GATAD1: variants seen among roughly 807,000 people sequenced by gnomAD.
The protein encoded by GATAD1 is GATA zinc finger domain containing 1, also known as GATA zinc finger domain-containing protein 1.
A neutral mutation model predicts 26.5 loss-of-function variants in GATAD1; 12 were observed. The ratio of observed to expected loss-of-function variants is 0.45; its 90% CI spans 0.29 to 0.73. The LOEUF is 0.73. GATAD1 is among the 30% of genes least tolerant of loss of function. The pLI, the probability that GATAD1 is intolerant of heterozygous loss-of-function variation, is 0.10. For synonymous variants in GATAD1, 129 were observed against 133.1 expected, an observed-to-expected ratio of 0.97 and a Z score of 0.21; for missense variants, 266 against 342.1, an observed-to-expected ratio of 0.78 and a Z score of 1.75.
In GATAD1 at chr7:92,458,030, G is replaced by T. The variant is rs1308559570; in HGVS notation, c.*1468G>T. 6.6e-6 allele frequency: 1 copy of T among 152,278 alleles called. No individual in the cohort carries two copies. The highest frequency in any genetic ancestry group is 1.5e-5 in the Non-Finnish European group (1 of 68,184). 9.4% of individuals were successfully genotyped at this position (152,278 alleles called of 1,614,324 possible). ...TGCATGCCTGTAATCCCAGCTACTC[G>T]GGAGGCTGAGGCAGGAGAATTGCTT... On this transcript the variant is annotated 3_prime_UTR_variant, in exon 5 of 5. Transcript: ENST00000287957.
the GATAD1 span, among the ~76,000 whole-genome samples, chr7:92,490,632 CAAAAAAAAAAA>C: frequency 2.5e-5 from 2 of 79,656 alleles, no homozygotes; most frequent in Non-Finnish European, 4.9e-5. Flanking sequence ...GAGACTGTCT[CAAAAAAAAAAA>C]AAAAAAAAAG....
At chr7:92,477,927 G>A in the GATAD1 span, 3 of 152,670 alleles carry the variant, frequency 2.0e-5, no homozygotes, top group Non-Finnish European at 4.4e-5. Flanking sequence ...CAAAGGGAAG[G>A]GACCCAAAGG....
downstream of GATAD1, among the ~76,000 whole-genome samples, chr7:92,461,669 A>G (rs1046107204): frequency 1.3e-5 from 2 of 152,208 alleles, no homozygotes; most frequent in East Asian, 1.9e-4. Context: ...AAGTTTATAT[A>G]CTAAATTGAA....
downstream of GATAD1, among the ~76,000 whole-genome samples, chr7:92,464,760 G>T (rs577553071): frequency 6.6e-6 from 1 of 152,144 alleles, no homozygotes; most frequent in African/African-American, 2.4e-5. Flanking sequence ...CAAAGGCATC[G>T]TTTTTCAGAG....
At chr7:92,483,384 G>A in the GATAD1 span, among the ~76,000 whole-genome samples, 1 of 152,188 alleles carries the variant, frequency 6.6e-6, no homozygotes. Context: ...ACTCAAATAC[G>A]TTGCTACTTG....
downstream of GATAD1, among the ~76,000 whole-genome samples, chr7:92,460,093 T>C (rs529065230): frequency 7.9e-5 from 12 of 152,308 alleles, no homozygotes; most frequent in Admixed American, 2.6e-4. Context: ...CCATTCCAGT[T>C]CCTGGCTGTG....
At chr7:92,464,720 A>C (rs1790037866), downstream of GATAD1, among the ~76,000 whole-genome samples, 1 of 152,224 alleles carries the variant, frequency 6.6e-6, no homozygotes, top group South Asian at 2.1e-4. Context: ...GGGACAGGCC[A>C]TAAAAGGACA....
At chr7:92,487,886 C>A in the GATAD1 span, among the ~76,000 whole-genome samples, 3 of 152,120 alleles carry the variant, frequency 2.0e-5, no homozygotes, top group African/African-American at 7.2e-5. Flanking sequence ...AATACTGCAA[C>A]ACACAATGTT....
At chr7:92,495,761 G>C in the GATAD1 span, among the ~76,000 whole-genome samples, 4 of 151,868 alleles carry the variant, frequency 2.6e-5, no homozygotes, top group Admixed American at 6.6e-5. Flanking sequence ...TCTTGGCTTT[G>C]TGAGCTTCTC....
At chr7:92,479,083 T>G in the GATAD1 span, among the ~76,000 whole-genome samples, 1 of 152,200 alleles carries the variant, frequency 6.6e-6, no homozygotes, top group African/African-American at 2.4e-5. Context: ...GGTTTCCTTC[T>G]CTCGGCTTGG....
At chr7:92,487,324 C>G in the GATAD1 span, 28 of 584,154 alleles carry the variant, frequency 4.8e-5, no homozygotes, top group Non-Finnish European at 6.1e-5. Context: ...TAGCATTTAC[C>G]AATCTGTGAT....
chr7:92,453,470 A>G (rs935099078), intron 3 of GATAD1, among the ~76,000 whole-genome samples: 2 of 152,222 alleles, frequency 1.3e-5, no homozygotes. Context: ...TTAGTTGGGT[A>G]TAAAGTGGAA....
In GATAD1 at chr7:92,456,554, C is replaced by T; in HGVS notation, c.802C>T (p.His268Tyr). The change falls in exon 5 of 5, where the codon CAT becomes TAT. Residue 268 changes from histidine (H) to tyrosine (Y), a missense_variant. Physicochemically the swap from His to Tyr is moderately conservative, Grantham distance 83 (BLOSUM62 2). Transcript: ENST00000287957. Reference protein sequence around the residue: ...AITIKESVANHL With the variant: ...AITIKESVANYL The stretch of plus-strand genomic sequence containing the variant: ...AACAATTAAGGAATCAGTTGCCAAC[C>T]ATTTGTAGTTCACAAATTAAAACTG... The T allele has an allele frequency of 6.2e-7, 1 of 1,608,832 alleles. No individual in the cohort carries two copies. Among genetic ancestry groups the T allele is most frequent in the Non-Finnish European group, 8.5e-7 (1 of 1,176,840 alleles).
At chr7:92,481,057 G>C in the GATAD1 span, among the ~76,000 whole-genome samples, 5 of 152,172 alleles carry the variant, frequency 3.3e-5, no homozygotes, top group African/African-American at 9.7e-5. Flanking sequence ...AGGTAGTGGA[G>C]GGGGGCAGAG....
Position 92,447,694 on chromosome 7 carries a change from T to A in GATAD1, c.-36T>A. ...CGGGCTACCGTCCGCCATTCCCGTGTCTCTGCGCCCGCGGGGGCCGCCCGA... is the reference window on the plus strand; with the variant it reads ...CGGGCTACCGTCCGCCATTCCCGTGACTCTGCGCCCGCGGGGGCCGCCCGA... On this transcript the variant is annotated 5_prime_UTR_variant, in exon 1 of 5. Coordinates refer to ENST00000287957, the MANE Select transcript of GATAD1 (RefSeq NM_021167.5). The A allele has an allele frequency of 7.0e-7, 1 of 1,420,194 alleles. No individual in the cohort carries two copies. Among genetic ancestry groups the A allele is most frequent in the Non-Finnish European group, 9.2e-7 (1 of 1,086,416 alleles). The allele number at this position is 1,420,194 out of a possible 1,614,324, so 88.0% of individuals were successfully genotyped here.
the GATAD1 span, chr7:92,469,447 T>G: frequency 1.3e-6 from 1 of 770,330 alleles, no homozygotes; most frequent in Non-Finnish European, 2.4e-6. Flanking sequence ...GTTGCGGGGC[T>G]TAGATATGAC....
the GATAD1 span, chr7:92,470,435 G>A: frequency 4.1e-4 from 261 of 630,664 alleles, no homozygotes; most frequent in Non-Finnish European, 5.6e-4. Context: ...AAGAGCAGGC[G>A]CAAATCCTCT....
downstream of GATAD1, among the ~76,000 whole-genome samples, chr7:92,464,762 T>G (rs1306982201): frequency 6.6e-6 from 1 of 152,074 alleles, no homozygotes; most frequent in Non-Finnish European, 1.5e-5. Flanking sequence ...AAGGCATCGT[T>G]TTTCAGAGCA....
rs727503061 is a variant in GATAD1, at chr7:92,454,603, C to T, written c.537C>T (p.Cys179=). The T allele has an allele frequency of 7.4e-6, 12 of 1,612,920 alleles. No homozygotes were observed. The Admixed American group carries it at 1.3e-4, about 18-fold the overall frequency. ...QIRGFIQDQY[C]EKSAALTWLI... is the part of the protein sequence containing the mutation. ...GAGGTTTTATCCAGGACCAGTATTG[C>T]GAGAAGAGTGCAGCACTGACGTGGC... is the stretch of plus-strand genomic sequence containing the variant. The change falls in exon 4 of 5, where the codon TGC becomes TGT. Residue 179 remains cysteine (C), a synonymous_variant. Transcript: ENST00000287957.
Sources: allele counts gnomAD v4.1 joint callset (sites outside exome capture counted in the v4.1 genomes callset), GRCh38; gene constraint gnomAD v4.1.1; transcripts MANE v1.5; gene names NCBI Gene and HGNC (gene_info 2026-07-23, HGNC 2026-07-21).